The following DNAJC9 variants were observed in gnomAD, a reference collection of about 807,000 sequenced individuals.
The protein encoded by DNAJC9 is DnaJ heat shock protein family (Hsp40) member C9.
In DNAJC9, 18 loss-of-function variants were observed where a neutral mutation model predicts 32.4. The ratio of observed to expected loss-of-function variants is 0.56; its 90% confidence interval spans 0.38 to 0.82. The LOEUF (loss-of-function observed/expected upper bound fraction) is 0.82, where lower values mean the gene tolerates loss of function less well. Ranked by LOEUF, DNAJC9 falls within the 40% of genes least tolerant of loss-of-function variation. DNAJC9 has a pLI of 0.00. For missense variants in DNAJC9, 310 were observed against 321.8 expected (o/e 0.96, Z 0.28); for synonymous variants, 113 against 122.1 (o/e 0.93, Z 0.49).
chr10:73,237,966 TA>T (rs140492282), downstream of DNAJC9, among the ~76,000 whole-genome samples: 2 of 151,264 alleles, frequency 1.3e-5, no homozygotes, highest in Admixed American at 6.6e-5. Context: ...TTAAGTTTAT[TA>T]AAAAAAAAGT....
In DNAJC9 at chr10:73,233,029, A is replaced by T. The variant is rs1388427483; in HGVS notation, n.147+10814T>A. 1.1e-5 allele frequency: 17 copies of T among 1,551,652 alleles called. No homozygotes were observed. The South Asian group carries it at 2.0e-4, about 18-fold the overall frequency. On this transcript the variant is annotated intron_variant and non_coding_transcript_variant, in intron 2 of 2. Transcript: ENST00000469143. ...CAAATCGAGCTGTGGAGTTTAGTACATCATCTCTGTCATACACAGTGCAGT... is the reference window on the plus strand; with the variant it reads ...CAAATCGAGCTGTGGAGTTTAGTACTTCATCTCTGTCATACACAGTGCAGT...
intron 3 of DNAJC9, chr10:73,244,466 A>C (rs2043985254): frequency 6.6e-6 from 1 of 151,682 alleles, no homozygotes; most frequent in Non-Finnish European, 1.5e-5. Flanking sequence ...TCTGCACTCC[A>C]GCCTGGGTGA....
chr10:73,245,229 T>C (rs757982927), intron 3 of DNAJC9, among the ~76,000 whole-genome samples: 26 of 152,188 alleles, frequency 1.7e-4, no homozygotes, highest in Admixed American at 3.3e-4. Flanking sequence ...GCGTCTCTTA[T>C]GTAAAAGCTG....
chr10:73,239,381 G>T (rs1232920947), downstream of DNAJC9: 1 of 1,551,142 alleles, frequency 6.4e-7, no homozygotes, highest in African/African-American at 1.4e-5. Flanking sequence ...CAGGGGATCT[G>T]CAGGTAAAGG....
chr10:73,233,638 C>T (rs1433141046), intron 2 of DNAJC9, among the ~76,000 whole-genome samples: 1 of 152,112 alleles, frequency 6.6e-6, no homozygotes, highest in African/African-American at 2.4e-5. Context: ...ACCACCGCAC[C>T]CAGCAGGGGT....
downstream of DNAJC9, chr10:73,239,143 G>A: frequency 1.8e-6 from 1 of 549,988 alleles, no homozygotes; most frequent in Non-Finnish European, 3.2e-6. Flanking sequence ...ATCTGGCTTG[G>A]GATTTTCTAC....
chr10:73,245,959 T>C lies in DNAJC9; in HGVS notation c.539A>G (p.Lys180Arg). ...TGCATTCATCTTTTGTTTCGATTCTTTGACAAAGGCATTATAGGATGGGAC... is the reference window on the plus strand; with the variant it reads ...TGCATTCATCTTTTGTTTCGATTCTCTGACAAAGGCATTATAGGATGGGAC... ...GEVPSYNAFVKESKQKMNARK... is the reference protein window; with the variant it reads ...GEVPSYNAFVRESKQKMNARK... Residue 180 changes from lysine (K) to arginine (R), a missense_variant, in exon 3 of 5, where the codon AAA (lysine) becomes AGA (arginine). Coordinates refer to ENST00000372950, the MANE Select transcript of DNAJC9 (RefSeq NM_015190.5). The C allele has an allele frequency of 6.2e-7, 1 of 1,612,250 alleles. No homozygotes were observed. Among genetic ancestry groups the C allele is most frequent in the Non-Finnish European group, 8.5e-7 (1 of 1,179,486 alleles).
chr10:73,238,027 T>C (rs1356386488), downstream of DNAJC9, among the ~76,000 whole-genome samples: 3 of 152,138 alleles, frequency 2.0e-5, no homozygotes, highest in African/African-American at 7.2e-5. Flanking sequence ...AAAAGGGAGA[T>C]AGCTAGTTGT....
chr10:73,236,436 C>T (rs1251551508), downstream of DNAJC9, among the ~76,000 whole-genome samples: 1 of 139,820 alleles, frequency 7.2e-6, no homozygotes, highest in African/African-American at 2.7e-5. Context: ...TTTTTTGAGA[C>T]GGAGTCTCGC....
chr10:73,241,185 A>T, downstream of DNAJC9: 1 of 591,644 alleles, frequency 1.7e-6, no homozygotes, highest in South Asian at 1.9e-5. Context: ...TAGCAGCCAA[A>T]AATGACATGA....
At chr10:73,246,966 G>C (rs764780658) in intron 1 of DNAJC9, 44 bp downstream of exon 1, 16 of 1,553,380 alleles carry the variant, frequency 1.0e-5, no homozygotes, top group Non-Finnish European at 1.4e-5. Flanking sequence ...AGGCTAGGGG[G>C]AGGCCCGCGC....
chr10:73,245,310 T>G (rs1189991039), intron 3 of DNAJC9, among the ~76,000 whole-genome samples: 1 of 151,962 alleles, frequency 6.6e-6, no homozygotes, highest in African/African-American at 2.4e-5. Flanking sequence ...TAAGAGAATC[T>G]AACGCCCGAT....
rs1219387228 is a variant in DNAJC9 at position 73,242,069 on chromosome 10, C to T, written c.*1331G>A. ...GATAAATTCAAATAATCATAAATTA[C>T]GGTAACTTTTTATTATACCAAGGTG... is the stretch of plus-strand genomic sequence containing the variant. On this transcript the variant is annotated 3_prime_UTR_variant, in exon 5 of 5. Transcript: ENST00000372950. 1.3e-5 allele frequency: 2 copies of T among 152,148 alleles called. No homozygotes were observed. Among genetic ancestry groups the T allele is most frequent in the Non-Finnish European group, 2.9e-5 (2 of 68,030 alleles). 9.4% of individuals were successfully genotyped at this position (152,148 alleles called of 1,614,324 possible). A position where few individuals can be genotyped will look rare whatever the true frequency, so the allele number is the denominator to read the frequency against.
downstream of DNAJC9, among the ~76,000 whole-genome samples, chr10:73,235,638 G>C (rs1306766898): frequency 6.6e-6 from 1 of 152,088 alleles, no homozygotes; most frequent in African/African-American, 2.4e-5. Context: ...TGTTCTTCTG[G>C]AATTACATCA....
chr10:73,243,741 G>A lies in DNAJC9; in HGVS notation c.663+102C>T, dbSNP rs570672243. On this transcript the variant is annotated intron_variant, in intron 4 of 4. Transcript: ENST00000372950. ...TTAAAAGGACAAATAGAAGGTATGC[G>A]GTTATGTCTTAAAAGAAGAAAACAA... The A allele has an allele frequency of 3.6e-5, 43 of 1,179,772 alleles. No homozygotes were observed. In the East Asian group the frequency reaches 4.3e-4, roughly 12 times the overall value. The allele number at this position is 1,179,772 out of a possible 1,614,324, so 73.1% of individuals were successfully genotyped here.
chr10:73,236,315 G>C (rs11000559), downstream of DNAJC9, among the ~76,000 whole-genome samples: 15,959 of 152,086 alleles, frequency 0.1, 1,213 homozygotes, highest in East Asian at 0.31. Flanking sequence ...CCTTTGCAAG[G>C]TCTAGGGAAG....
downstream of DNAJC9, chr10:73,239,317 T>A: frequency 6.4e-7 from 1 of 1,551,556 alleles, no homozygotes; most frequent in Non-Finnish European, 8.7e-7. Context: ...TGTAGCTGGA[T>A]ACACAGTATC....
At chr10:73,236,021 TG>T (rs2043812591), downstream of DNAJC9, among the ~76,000 whole-genome samples, 1 of 152,154 alleles carries the variant, frequency 6.6e-6, no homozygotes, top group South Asian at 2.1e-4. Flanking sequence ...TTGGAGAGCC[TG>T]GGGAAGTAAC....
chr10:73,234,911 G>GT, downstream of DNAJC9: 1 of 1,552,066 alleles, frequency 6.4e-7, no homozygotes. Flanking sequence ...AGTGGAACAT[G>GT]TGAGCACTGT....
Sources: allele counts gnomAD v4.1 joint callset (sites outside exome capture counted in the v4.1 genomes callset), GRCh38; gene constraint gnomAD v4.1.1; transcripts MANE v1.5; gene names NCBI Gene and HGNC (gene_info 2026-07-23, HGNC 2026-07-21).